Variants in MCF2 observed in about 807,000 individuals in gnomAD.
MCF2 encodes the protein proto-oncogene DBL.
A neutral mutation model predicts 82.5 loss-of-function variants in MCF2; 44 were observed. The ratio of observed to expected loss-of-function variants is 0.53; its 90% confidence interval spans 0.42 to 0.69. MCF2 has a LOEUF of 0.69. MCF2 is among the 30% of genes least tolerant of loss of function. The pLI, the probability that MCF2 is intolerant of heterozygous loss-of-function variation, is 0.00. For missense variants in MCF2, 623 were observed against 663.1 expected, an observed-to-expected ratio of 0.94 and a Z score of 0.66; for synonymous variants, 217 against 224.9, an observed-to-expected ratio of 0.96 and a Z score of 0.32.
intron 13 of MCF2, 138 bp from the exon 18 acceptor site, chrX:139,605,122 A>G (rs759450847): frequency 8.9e-5 from 25 of 282,333 alleles, no homozygotes; most frequent in African/African-American, 3.7e-4. Flanking sequence ...TTTTAATTCA[A>G]TTCAAATCTC....
At chrX:139,628,783 G>T (rs966980882) in intron 4 of MCF2, among the ~76,000 whole-genome samples, 1 of 111,767 alleles carries the variant, frequency 8.9e-6, no homozygotes, top group African/African-American at 3.3e-5. Context: ...ACTTTCTGAA[G>T]AAAGTGGATC....
chrX:139,639,043 A>C (rs1304226125), intron 1 of MCF2, among the ~76,000 whole-genome samples: 2 of 111,864 alleles, frequency 1.8e-5, no homozygotes, highest in African/African-American at 6.5e-5. Flanking sequence ...TATCAGATGC[A>C]CATATCAAAG....
At chrX:139,701,997 A>C (rs932036195) in intron 1 of MCF2, among the ~76,000 whole-genome samples, 5 of 111,148 alleles carry the variant, frequency 4.5e-5, no homozygotes. Context: ...TTCTTTTCTC[A>C]GAGTCTATCA....
intron 1 of MCF2, among the ~76,000 whole-genome samples, chrX:139,691,235 C>A (rs777271791): frequency 9.0e-6 from 1 of 111,488 alleles, no homozygotes; most frequent in East Asian, 2.8e-4. Context: ...GTGCAAAGCC[C>A]AAGTCAGTGG....
chrX:139,670,744 G>A (rs765542055), intron 1 of MCF2, among the ~76,000 whole-genome samples: 19 of 111,929 alleles, frequency 1.7e-4, no homozygotes, highest in Admixed American at 7.6e-4. Context: ...TCAAGTTATT[G>A]CTATTGTGAA....
intron 6 of MCF2, among the ~76,000 whole-genome samples, chrX:139,624,311 C>T (rs916620185): frequency 1.8e-5 from 2 of 110,282 alleles, no homozygotes; most frequent in Non-Finnish European, 3.8e-5. Flanking sequence ...GAGGCTGAGG[C>T]GGGAGGATTG....
intron 10 of MCF2, among the ~76,000 whole-genome samples, chrX:139,612,785 G>A (rs1931597339): frequency 9.0e-6 from 1 of 111,423 alleles, no homozygotes; most frequent in Non-Finnish European, 1.9e-5. Flanking sequence ...ATGTATAATA[G>A]ATAAAAACAT....
intron 24 of MCF2, 33 bp from the exon 29 acceptor site, chrX:139,582,536 T>A: frequency 8.9e-7 from 1 of 1,119,264 alleles, no homozygotes; most frequent in East Asian, 3.0e-5. Flanking sequence ...TATTGCTCAG[T>A]TTACAACTTG....
intron 1 of MCF2, among the ~76,000 whole-genome samples, chrX:139,677,435 C>T (rs959097912): frequency 8.9e-6 from 1 of 112,274 alleles, no homozygotes; most frequent in Non-Finnish European, 1.9e-5. Flanking sequence ...AAACTTGCCT[C>T]GGTCTCTTCT....
At chrX:139,630,395 C>T (rs1932883901) in intron 3 of MCF2, among the ~76,000 whole-genome samples, 1 of 111,582 alleles carries the variant, frequency 9.0e-6, no homozygotes, top group Admixed American at 9.5e-5. Context: ...GCCCCAAAGC[C>T]TTTGTTGCCA....
intron 22 of MCF2, among the ~76,000 whole-genome samples, chrX:139,587,443 T>C (rs1929071922): frequency 9.0e-6 from 1 of 111,724 alleles, no homozygotes; most frequent in African/African-American, 3.3e-5. Flanking sequence ...CACAGCCTCC[T>C]TTCCTGTCAG....
rs6635891 is a variant in MCF2 at position 139,596,791 on chromosome X, C to G, written c.2056-21G>C. 3.5e-3 allele frequency: 3,800 copies of G among 1,099,275 alleles called. 72 individuals carry two copies. In the African/African-American group the frequency reaches 0.06, roughly 17 times the overall value. The allele number at this position is 1,099,275 out of a possible 1,213,427, so 90.6% of individuals were successfully genotyped here. Reference sequence around the variant, plus strand: ...TTTCCCTAGAATGGAAAATCAAAACCCATTAGTAGAAAGCAAAGCTACATT... The same window carrying G: ...TTTCCCTAGAATGGAAAATCAAAACGCATTAGTAGAAAGCAAAGCTACATT... On this transcript the variant is annotated intron_variant, in intron 18 of 24. Coordinates refer to ENST00000370576, the Ensembl canonical transcript of MCF2.
At chrX:139,615,803 C>A (rs1281075035) in intron 9 of MCF2, among the ~76,000 whole-genome samples, 1 of 111,915 alleles carries the variant, frequency 8.9e-6, no homozygotes, top group Non-Finnish European at 1.9e-5. Context: ...CCTGTTAACA[C>A]CAACTTCTGC....
intron 7 of MCF2, among the ~76,000 whole-genome samples, chrX:139,618,613 C>A (rs1242416699): frequency 9.0e-6 from 1 of 111,039 alleles, no homozygotes; most frequent in Non-Finnish European, 1.9e-5. Flanking sequence ...CATGATCACA[C>A]AGATCTACAA....
At chrX:139,586,119 T>C (rs1466119701) in intron 23 of MCF2, among the ~76,000 whole-genome samples, 4 of 111,682 alleles carry the variant, frequency 3.6e-5, no homozygotes, top group Non-Finnish European at 7.5e-5. Context: ...AAGGTCTGAA[T>C]AGAGCAAGAG....
chrX:139,618,331 C>G (rs920351304), intron 7 of MCF2, among the ~76,000 whole-genome samples: 1 of 110,677 alleles, frequency 9.0e-6, no homozygotes, highest in Non-Finnish European at 1.9e-5. Context: ...GTGGGAAAAC[C>G]AGGTTTAAAA....
At chrX:139,638,347 T>C (rs756131066) in intron 1 of MCF2, among the ~76,000 whole-genome samples, 2 of 111,386 alleles carry the variant, frequency 1.8e-5, no homozygotes, top group Non-Finnish European at 3.8e-5. Context: ...AAAGCAGAGG[T>C]GACAAACTTG....
chrX:139,673,823 C>T (rs1235160131), intron 1 of MCF2, among the ~76,000 whole-genome samples: 1 of 111,622 alleles, frequency 9.0e-6, no homozygotes, highest in Non-Finnish European at 1.9e-5. Context: ...CTGTAGATGT[C>T]TATTAGGTCT....
intron 4 of MCF2, among the ~76,000 whole-genome samples, chrX:139,629,015 G>A (rs1932835271): frequency 9.0e-6 from 1 of 111,517 alleles, no homozygotes; most frequent in Non-Finnish European, 1.9e-5. Flanking sequence ...CTAGAAACTC[G>A]GCCTCCTGAC....
Sources: gnomAD v4.1 joint callset for allele counts (sites outside exome capture counted in the v4.1 genomes callset) on GRCh38, gnomAD v4.1.1 for gene constraint, MANE v1.5 for transcripts, NCBI Gene and HGNC (gene_info 2026-07-23, HGNC 2026-07-21) for gene names.